The following ZNF609 variants were observed in gnomAD, a reference collection of about 807,000 sequenced individuals.
ZNF609 encodes zinc finger protein 609.
ZNF609 carries 11 observed loss-of-function variants against 109.5 expected under a neutral mutation model. That is an observed-to-expected ratio of 0.10 (90% CI 0.06 to 0.17). ZNF609 has a LOEUF of 0.17. ZNF609 is among the 10% of genes least tolerant of loss of function. ZNF609 has a pLI of 1.00. For missense variants in ZNF609, 1,559 were observed against 1,772.4 expected, an observed-to-expected ratio of 0.88 and a Z score of 2.16; for synonymous variants, 646 against 662.0, an observed-to-expected ratio of 0.98 and a Z score of 0.37.
At chr15:64,666,074 C>A (rs867459162) in intron 3 of ZNF609, among the ~76,000 whole-genome samples, 138 of 134,316 alleles carry the variant, frequency 1.0e-3, no homozygotes, top group Admixed American at 1.4e-3. Context: ...GACTTCGTCT[C>A]AAAAAAAAAA....
chr15:64,549,340 A>G (rs755591363), intron 2 of ZNF609, among the ~76,000 whole-genome samples: 9 of 152,088 alleles, frequency 5.9e-5, no homozygotes, highest in East Asian at 1.9e-4. Flanking sequence ...ACAGGTGCAC[A>G]CCACCTCGCC....
At chr15:64,511,904 G>A (rs145290906) in intron 2 of ZNF609, among the ~76,000 whole-genome samples, 1,734 of 151,570 alleles carry the variant, frequency 0.011, 39 homozygotes, top group African/African-American at 0.04. Context: ...TAGTAGAGGC[G>A]GGATTTCACC....
chr15:64,510,323 G>T (rs1314158570), intron 2 of ZNF609, among the ~76,000 whole-genome samples: 1 of 151,410 alleles, frequency 6.6e-6, no homozygotes, highest in South Asian at 2.1e-4. Flanking sequence ...TCCTGCCTCA[G>T]CCTCCCGAGT....
intron 2 of ZNF609, among the ~76,000 whole-genome samples, chr15:64,559,313 A>G (rs892696405): frequency 6.6e-6 from 1 of 152,240 alleles, no homozygotes; most frequent in Non-Finnish European, 1.5e-5. Flanking sequence ...GAAAGGGCCA[A>G]AAGCTCACCT....
intron 2 of ZNF609, among the ~76,000 whole-genome samples, chr15:64,577,611 ATATATG>A (rs1895018981): frequency 1.3e-4 from 2 of 15,440 alleles, no homozygotes; most frequent in African/African-American, 2.7e-4. Flanking sequence ...ATATATACAT[ATATATG>A]TGTATATATA....
At chr15:64,600,093 TG>T (rs935335684) in intron 2 of ZNF609, among the ~76,000 whole-genome samples, 16 of 151,894 alleles carry the variant, frequency 1.1e-4, no homozygotes, top group African/African-American at 3.9e-4. Context: ...GAGGCCAAGG[TG>T]GGCAGATAAG....
chr15:64,587,333 A>C (rs1047269573), intron 2 of ZNF609, among the ~76,000 whole-genome samples: 7 of 152,170 alleles, frequency 4.6e-5, no homozygotes, highest in Non-Finnish European at 1.0e-4. Flanking sequence ...GTTTAGATGA[A>C]ACTGTATCTA....
chr15:64,624,665 A>T (rs1341696969), intron 3 of ZNF609, among the ~76,000 whole-genome samples: 3 of 150,122 alleles, frequency 2.0e-5, no homozygotes, highest in Admixed American at 6.7e-5. Context: ...TTAACACATA[A>T]TTTTTTTTTA....
chr15:64,472,537 G>A (rs1470262048), intron 1 of ZNF609, among the ~76,000 whole-genome samples: 3 of 152,180 alleles, frequency 2.0e-5, no homozygotes, highest in African/African-American at 7.2e-5. Flanking sequence ...GTCTGGTTGA[G>A]ATGAATTTTC....
At chr15:64,512,317 A>G (rs1595703744) in intron 2 of ZNF609, among the ~76,000 whole-genome samples, 1 of 152,164 alleles carries the variant, frequency 6.6e-6, no homozygotes, top group Non-Finnish European at 1.5e-5. Flanking sequence ...ATGAGTAGAT[A>G]TATTTGCCAC....
chr15:64,607,271 C>G, intron 2 of ZNF609, among the ~76,000 whole-genome samples: 1 of 151,944 alleles, frequency 6.6e-6, no homozygotes, highest in Non-Finnish European at 1.5e-5. Flanking sequence ...TCTGAAAAGG[C>G]TATTAAATAC....
chr15:64,471,916 G>GTT (rs898245284), intron 1 of ZNF609, among the ~76,000 whole-genome samples: 7 of 148,076 alleles, frequency 4.7e-5, no homozygotes, highest in African/African-American at 1.7e-4. Flanking sequence ...TTTTGTTTTT[G>GTT]TTTTGTTTGT....
intron 2 of ZNF609, among the ~76,000 whole-genome samples, chr15:64,612,309 G>A (rs550700103): frequency 2.6e-5 from 4 of 151,720 alleles, no homozygotes; most frequent in South Asian, 4.2e-4. Flanking sequence ...CACCACGCCC[G>A]GTTAATTTTT....
chr15:64,538,986 C>G (rs545388381), intron 2 of ZNF609, among the ~76,000 whole-genome samples: 10 of 152,048 alleles, frequency 6.6e-5, no homozygotes, highest in African/African-American at 2.4e-4. Flanking sequence ...ATGCATGCAC[C>G]ACCATGCCTG....
chr15:64,533,282 C>CTCAA (rs1894088647), intron 2 of ZNF609, among the ~76,000 whole-genome samples: 1 of 152,100 alleles, frequency 6.6e-6, no homozygotes, highest in Admixed American at 6.5e-5. Flanking sequence ...AACTCATGGG[C>CTCAA]TCAAGCCATC....
At position 64,681,763 on chromosome 15, in the gene ZNF609, G is replaced by A. The variant is rs766825663; in HGVS notation, c.*77G>A. 2 of 182,230 alleles carry A rather than the reference G, an allele frequency of 1.1e-5. No homozygotes were observed. The highest frequency in any genetic ancestry group is 2.2e-3 in the Middle Eastern group (1 of 464). The allele number at this position is 182,230 out of a possible 1,614,324, so 11.3% of individuals were successfully genotyped here. A position where few individuals can be genotyped will look rare whatever the true frequency, so the allele number is the denominator to read the frequency against. On this transcript the variant is annotated 3_prime_UTR_variant, in exon 10 of 10. Transcript: ENST00000326648. ...TACCCAAGGAGGTGCTGAAGGTGCCGTTTAGACATCAGTTAAATGGTGTTG... is the reference window on the plus strand; with the variant it reads ...TACCCAAGGAGGTGCTGAAGGTGCCATTTAGACATCAGTTAAATGGTGTTG...
intron 2 of ZNF609, among the ~76,000 whole-genome samples, chr15:64,565,876 T>A (rs1180523854): frequency 6.6e-6 from 1 of 152,020 alleles, no homozygotes; most frequent in African/African-American, 2.4e-5. Context: ...TGAGATAGAG[T>A]CTCGTTCTGT....
chr15:64,661,526 T>A (rs1167899477), intron 3 of ZNF609, among the ~76,000 whole-genome samples: 4 of 152,186 alleles, frequency 2.6e-5, no homozygotes, highest in African/African-American at 9.7e-5. Context: ...CAATCAGGAT[T>A]GAAAATTGGG....
rs538556556 is a variant in ZNF609, at chr15:64,552,331, AT to A, written c.747+52166del. ...TATCATCCAACTTTAGTTAATTTTTATATATGTTGCAAGGTATGGATTAAAA... is the reference window on the plus strand; with the variant it reads ...TATCATCCAACTTTAGTTAATTTTTAATATGTTGCAAGGTATGGATTAAAA... On this transcript the variant is annotated intron_variant, in intron 2 of 9. Coordinates refer to ENST00000326648, the MANE Select transcript of ZNF609 (RefSeq NM_015042.2). Among the ~76,000 whole-genome samples the A allele has an allele frequency of 1.6e-4, 25 of 152,178 alleles. 1 individual carries two copies. In the East Asian group the frequency reaches 4.8e-3, roughly 29 times the overall value.
Sources: allele counts gnomAD v4.1 joint callset (sites outside exome capture counted in the v4.1 genomes callset), GRCh38; gene constraint gnomAD v4.1.1; transcripts MANE v1.5; gene names NCBI Gene and HGNC (gene_info 2026-07-23, HGNC 2026-07-21).